Variants in DGKI observed in about 807,000 individuals in gnomAD.
DGKI encodes the protein diacylglycerol kinase iota.
DGKI carries 55 observed loss-of-function variants against 147.5 expected under a neutral mutation model. That is an observed-to-expected ratio of 0.37 (90% confidence interval 0.30 to 0.47). The LOEUF (loss-of-function observed/expected upper bound fraction) is 0.47. DGKI is among the 20% of genes least tolerant of loss of function. The pLI is 1.00. For synonymous variants in DGKI, 469 were observed against 477.1 expected (o/e 0.98, Z 0.22); for missense variants, 1,007 against 1,323.8 (o/e 0.76, Z 3.71).
intron 1 of DGKI, among the ~76,000 whole-genome samples, chr7:137,709,589 A>G (rs1794155191): frequency 6.6e-6 from 1 of 152,184 alleles, no homozygotes; most frequent in African/African-American, 2.4e-5. Context: ...AATACTTAGT[A>G]TAAAGTACTT....
At chr7:137,714,357 C>T (rs921030131) in intron 1 of DGKI, among the ~76,000 whole-genome samples, 2 of 152,126 alleles carry the variant, frequency 1.3e-5, no homozygotes, top group Non-Finnish European at 2.9e-5. Flanking sequence ...TCTGTCTTCC[C>T]TAAAACAATT....
chr7:137,464,946 T>C (rs934062621), intron 26 of DGKI, among the ~76,000 whole-genome samples: 2 of 152,176 alleles, frequency 1.3e-5, no homozygotes, highest in African/African-American at 4.8e-5. Flanking sequence ...AGGACAAAGA[T>C]TCTTATCTGT....
chr7:137,770,445 C>T (rs183058019), intron 1 of DGKI, among the ~76,000 whole-genome samples: 67 of 151,832 alleles, frequency 4.4e-4, no homozygotes, highest in Admixed American at 4.1e-3. Flanking sequence ...AACAAACCTA[C>T]GCATTCTACA....
At chr7:137,441,155 T>C (rs991454470) in intron 28 of DGKI, among the ~76,000 whole-genome samples, 8 of 152,166 alleles carry the variant, frequency 5.3e-5, no homozygotes, top group African/African-American at 1.7e-4. Flanking sequence ...GCACGGTGGC[T>C]CATGCCTGTA....
intron 28 of DGKI, among the ~76,000 whole-genome samples, chr7:137,420,835 G>A (rs909607539): frequency 2.6e-4 from 40 of 152,020 alleles, no homozygotes; most frequent in African/African-American, 9.7e-4. Flanking sequence ...CCTGGCCAAC[G>A]TGGTACAAAC....
intron 23 of DGKI, among the ~76,000 whole-genome samples, chr7:137,472,345 T>TATTATATGTATATATAA (rs1563040195): frequency 7.4e-5 from 4 of 54,170 alleles, no homozygotes; most frequent in African/African-American, 6.2e-4. Context: ...ATACATATAA[T>TATTATATGTATATATAA]TATTATATGT....
intron 20 of DGKI, among the ~76,000 whole-genome samples, chr7:137,526,725 C>T (rs1333625881): frequency 1.3e-5 from 2 of 152,132 alleles, no homozygotes; most frequent in Admixed American, 6.6e-5. Flanking sequence ...CTCTGCTCTC[C>T]TGTAGATGTT....
intron 1 of DGKI, among the ~76,000 whole-genome samples, chr7:137,768,484 ACT>A (rs1796083376): frequency 6.6e-6 from 1 of 152,058 alleles, no homozygotes; most frequent in Non-Finnish European, 1.5e-5. Flanking sequence ...ACAAGAGACG[ACT>A]CTCAAGAAGC....
chr7:137,722,892 A>AAAG (rs1794610985), intron 1 of DGKI: 1 of 769,714 alleles, frequency 1.3e-6, no homozygotes, highest in East Asian at 2.6e-5. Flanking sequence ...ACTACGTTAA[A>AAAG]AAAAAAAAAA....
At chr7:137,554,922 T>C (rs944881265) in intron 19 of DGKI, among the ~76,000 whole-genome samples, 1 of 143,244 alleles carries the variant, frequency 7.0e-6, no homozygotes, top group African/African-American at 2.6e-5. Context: ...TTCTTTTTTT[T>C]TTTTTTTTTT....
chr7:137,682,432 A>G (rs1823271309), intron 2 of DGKI, among the ~76,000 whole-genome samples: 1 of 151,836 alleles, frequency 6.6e-6, no homozygotes, highest in African/African-American at 2.4e-5. Context: ...AAATCACTGT[A>G]CCTCCCTTAC....
At chr7:137,629,441 A>C (rs554356808) in intron 6 of DGKI, among the ~76,000 whole-genome samples, 1 of 152,182 alleles carries the variant, frequency 6.6e-6, no homozygotes, top group South Asian at 2.1e-4. Flanking sequence ...CTTTGCTTGA[A>C]GACCTCAAAC....
intron 1 of DGKI, among the ~76,000 whole-genome samples, chr7:137,718,955 T>C (rs1794466875): frequency 6.6e-6 from 1 of 152,210 alleles, no homozygotes; most frequent in Non-Finnish European, 1.5e-5. Context: ...GCACGGTCTT[T>C]CACGCCATCG....
chr7:137,407,897 A>G lies in DGKI; in HGVS notation c.2898T>C (p.Ile966=), dbSNP rs994673. The change falls in exon 30 of 33, where the codon ATT becomes ATC. Residue 966 remains isoleucine, a synonymous_variant. Transcript: ENST00000614521. ...HYAAKTGNGE[I]VKYILDHGPS... is the part of the protein sequence containing the mutation. ...TACCGTGGTCAAGGATATATTTCAC[A>G]ATCTCCCCGTTGCCGGTTTTAGCTG... 3,081 of 1,614,098 alleles carry G rather than the reference A, an allele frequency of 1.9e-3. 53 individuals are homozygous for G. The Admixed American group carries it at 0.031, about 16-fold the overall frequency.
intron 1 of DGKI, among the ~76,000 whole-genome samples, chr7:137,710,490 T>C (rs1794178521): frequency 6.6e-6 from 1 of 152,140 alleles, no homozygotes. Context: ...AAACTTGATT[T>C]ATGACAGAAC....
chr7:137,760,262 C>T (rs989797137), intron 1 of DGKI, among the ~76,000 whole-genome samples: 7 of 152,156 alleles, frequency 4.6e-5, no homozygotes, highest in Non-Finnish European at 1.0e-4. Context: ...AAACTCTGGG[C>T]TTATACCCAG....
At chr7:137,652,229 TAAGAAG>T (rs1264203014) in intron 5 of DGKI, among the ~76,000 whole-genome samples, 1 of 152,206 alleles carries the variant, frequency 6.6e-6, no homozygotes. Context: ...AAGTCCTTGA[TAAGAAG>T]ACAAGGGAGA....
Position 137,846,161 on chromosome 7 carries a change from T to TCTCTCTCTCTCACACACACACA in DGKI, c.401+300_401+301insTGTGTGTGTGTGAGAGAGAGAG, listed in dbSNP as rs781580130. 1.8e-5 allele frequency among the ~76,000 whole-genome samples: 2 copies of TCTCTCTCTCTCACACACACACA among 108,220 alleles called. No homozygotes were observed. Among genetic ancestry groups the TCTCTCTCTCTCACACACACACA allele is most frequent in the South Asian group, 3.3e-4 (1 of 3,064 alleles). 71.0% of individuals were successfully genotyped at this position (108,220 alleles called of 152,430 possible). On this transcript the variant is annotated intron_variant, in intron 1 of 32. Transcript: ENST00000614521. The surrounding 1 kb of genome is among the most constrained non-coding windows in gnomAD (Gnocchi z 4.0). ...CTCTCTCTCTCTCTCTCTCTCTCTC[T>TCTCTCTCTCTCACACACACACA]CACACACACACACACACACACACAC...
intron 28 of DGKI, among the ~76,000 whole-genome samples, chr7:137,415,283 C>T (rs1404390806): frequency 6.6e-6 from 1 of 152,028 alleles, no homozygotes; most frequent in African/African-American, 2.4e-5. Flanking sequence ...AATAATGATA[C>T]AACAGTAAAA....
Sources: gnomAD v4.1 joint callset for allele counts (sites outside exome capture counted in the v4.1 genomes callset) on GRCh38, gnomAD v4.1.1 for gene constraint, Gnocchi (gnomAD v3.1) non-coding constraint, MANE v1.5 for transcripts, NCBI Gene and HGNC (gene_info 2026-07-23, HGNC 2026-07-21) for gene names.